CPA6: variants seen among roughly 807,000 people sequenced by gnomAD.
CPA6 encodes carboxypeptidase A6, also known as carboxypeptidase B.
A neutral mutation model predicts 63.3 loss-of-function variants in CPA6; 58 were observed. The ratio of observed to expected loss-of-function variants is 0.92; its 90% CI spans 0.74 to 1.14. The LOEUF (loss-of-function observed/expected upper bound fraction) is 1.14. Among genes scored for constraint, CPA6 ranks in the 50% most tolerant of loss-of-function variants. The pLI is 0.00. For synonymous variants in CPA6, 185 were observed against 179.0 expected, an observed-to-expected ratio of 1.03 and a Z score of -0.27; for missense variants, 565 against 526.6, an observed-to-expected ratio of 1.07 and a Z score of -0.71.
chr8:67,681,341 C>T (rs1241979234), intron 1 of CPA6, among the ~76,000 whole-genome samples: 1 of 149,854 alleles, frequency 6.7e-6, no homozygotes, highest in East Asian at 1.9e-4. Context: ...TCCCGAGTAG[C>T]TGGGACTACA....
At chr8:67,483,903 G>T (rs771453572) in intron 7 of CPA6, 45 bp from the exon 8 acceptor site, 2 of 1,470,858 alleles carry the variant, frequency 1.4e-6, no homozygotes, top group East Asian at 2.3e-5. Context: ...ATACTTAAAA[G>T]GTTATTCGCA....
intron 2 of CPA6, among the ~76,000 whole-genome samples, chr8:67,582,700 G>C (rs527885734): frequency 1.3e-5 from 2 of 151,726 alleles, no homozygotes; most frequent in Admixed American, 6.6e-5. Flanking sequence ...GCAGGGATTG[G>C]TCATTAGCAT....
At chr8:67,471,251 G>T (rs1310058200) in intron 8 of CPA6, among the ~76,000 whole-genome samples, 2 of 152,104 alleles carry the variant, frequency 1.3e-5, no homozygotes, top group Non-Finnish European at 1.5e-5. Flanking sequence ...TCATCAGGGT[G>T]GGCTTCCCCA....
rs1269776076 is a variant in CPA6 at position 67,684,058 on chromosome 8, T to TA, written c.117-59808_117-59807insT. On this transcript the variant is annotated intron_variant, in intron 1 of 10. Transcript: ENST00000297770. ...TTTTTATTTTATTTATTTATTTATT[T>TA]TTTTTTTTTGTAGAGATGGGGTTTT... Among the ~76,000 whole-genome samples, 642 of 143,798 alleles carry TA rather than the reference T, an allele frequency of 4.5e-3. 8 individuals carry two copies. The highest frequency in any genetic ancestry group is 0.016 in the African/African-American group (621 of 38,176). 94.3% of individuals were successfully genotyped at this position (143,798 alleles called of 152,430 possible). A position where few individuals can be genotyped will look rare whatever the true frequency, so the allele number is the denominator to read the frequency against.
At chr8:67,734,137 CA>C (rs1418645323) in intron 1 of CPA6, among the ~76,000 whole-genome samples, 1 of 151,652 alleles carries the variant, frequency 6.6e-6, no homozygotes, top group Non-Finnish European at 1.5e-5. Flanking sequence ...CTTGGCCTCT[CA>C]AAGTACTGGG....
intron 8 of CPA6, among the ~76,000 whole-genome samples, chr8:67,435,675 C>T (rs931980317): frequency 6.6e-6 from 1 of 151,924 alleles, no homozygotes; most frequent in Non-Finnish European, 1.5e-5. Context: ...TGTCTCTCTC[C>T]TCCTGGACCC....
At chr8:67,695,447 T>C (rs1250906364) in intron 1 of CPA6, among the ~76,000 whole-genome samples, 1 of 152,238 alleles carries the variant, frequency 6.6e-6, no homozygotes, top group Non-Finnish European at 1.5e-5. Context: ...ATTTTGTTAT[T>C]ACCCAAACAG....
At chr8:67,692,609 C>A (rs1816835771) in intron 1 of CPA6, among the ~76,000 whole-genome samples, 1 of 152,084 alleles carries the variant, frequency 6.6e-6, no homozygotes, top group Non-Finnish European at 1.5e-5. Flanking sequence ...ATCATGTCTT[C>A]CTAAGCTATA....
intron 8 of CPA6, among the ~76,000 whole-genome samples, chr8:67,460,055 C>A (rs1810766438): frequency 1.3e-5 from 2 of 152,312 alleles, no homozygotes; most frequent in African/African-American, 4.8e-5. Flanking sequence ...CCACTCTCAC[C>A]CAGTCAGAAT....
intron 2 of CPA6, among the ~76,000 whole-genome samples, chr8:67,594,246 G>A (rs1206173930): frequency 6.6e-6 from 1 of 152,172 alleles, no homozygotes; most frequent in African/African-American, 2.4e-5. Flanking sequence ...TTTCTGCCGA[G>A]AGATCCGCTG....
chr8:67,599,998 G>A (rs1564018159), intron 2 of CPA6, among the ~76,000 whole-genome samples: 1 of 151,738 alleles, frequency 6.6e-6, no homozygotes, highest in Non-Finnish European at 1.5e-5. Context: ...GATAACAACA[G>A]TTATCAAACC....
chr8:67,701,878 C>T (rs1357320740), intron 1 of CPA6, among the ~76,000 whole-genome samples: 4 of 152,174 alleles, frequency 2.6e-5, no homozygotes. Flanking sequence ...AGGCTGAACT[C>T]TAACTGCAGT....
chr8:67,673,275 G>C (rs1485900408), intron 1 of CPA6, among the ~76,000 whole-genome samples: 1 of 151,724 alleles, frequency 6.6e-6, no homozygotes, highest in African/African-American at 2.4e-5. Context: ...TGGATACTAT[G>C]ATATACAATG....
chr8:67,564,834 T>C (rs1040104867), intron 2 of CPA6, among the ~76,000 whole-genome samples: 2 of 152,222 alleles, frequency 1.3e-5, no homozygotes, highest in East Asian at 1.9e-4. Context: ...AATATGTCTA[T>C]CCCAATTAAA....
rs1564021458 is a variant in CPA6, at chr8:67,607,237, CTTCTTCTTCTTCTT to C, written c.192+16925_192+16938del. 2.4e-3 allele frequency among the ~76,000 whole-genome samples: 276 copies of C among 116,798 alleles called. 24 individuals carry two copies. The highest frequency in any genetic ancestry group is 4.7e-3 in the East Asian group (19 of 4,036). 76.6% of individuals were successfully genotyped at this position (116,798 alleles called of 152,430 possible). ...TCTTCTTCTTCTTCTTCTTCTTCTTCTTCTTCTTCTTCTTCTCCTCCTCCTCCTTTCTTCTTTCT... is the reference window on the plus strand; with the variant it reads ...TCTTCTTCTTCTTCTTCTTCTTCTTCCTCCTCCTCCTCCTTTCTTCTTTCT... On this transcript the variant is annotated intron_variant, in intron 2 of 10. Transcript: ENST00000297770.
At chr8:67,626,455 A>G (rs973607533) in intron 1 of CPA6, among the ~76,000 whole-genome samples, 2 of 152,238 alleles carry the variant, frequency 1.3e-5, no homozygotes, top group African/African-American at 2.4e-5. Context: ...CTACTCTAAC[A>G]GAACTTTACA....
intron 1 of CPA6, among the ~76,000 whole-genome samples, chr8:67,634,077 A>G (rs1202472074): frequency 6.8e-6 from 1 of 146,852 alleles, no homozygotes; most frequent in Non-Finnish European, 1.5e-5. Context: ...AATTGAATTA[A>G]AATGACATCA....
At chr8:67,681,377 T>G (rs1199994795) in intron 1 of CPA6, among the ~76,000 whole-genome samples, 1 of 149,072 alleles carries the variant, frequency 6.7e-6, no homozygotes, top group East Asian at 2.0e-4. Flanking sequence ...GCCCGGCTAA[T>G]TTTTTGTATT....
intron 6 of CPA6, among the ~76,000 whole-genome samples, chr8:67,500,083 A>C (rs550723633): frequency 5.9e-5 from 9 of 152,312 alleles, no homozygotes; most frequent in Admixed American, 1.3e-4. Flanking sequence ...TGTTTTCAAG[A>C]ATAGCTCTAC....
Sources: gnomAD v4.1 joint callset for allele counts (sites outside exome capture counted in the v4.1 genomes callset) on GRCh38, gnomAD v4.1.1 for gene constraint, MANE v1.5 for transcripts, NCBI Gene and HGNC (gene_info 2026-07-23, HGNC 2026-07-21) for gene names.